The following EIF5B variants were observed in gnomAD, a reference collection of about 807,000 sequenced individuals.
The protein encoded by EIF5B is eIF-5B.
In EIF5B, 47 loss-of-function variants were observed where a neutral mutation model predicts 147.5. The observed-to-expected ratio is 0.32, with a 90% CI of 0.25 to 0.41. EIF5B has a LOEUF of 0.41. Among genes scored for constraint, EIF5B ranks in the 10% least tolerant of loss-of-function variants. The pLI is 1.00. For missense variants in EIF5B, 1,064 were observed against 1,413.2 expected (o/e 0.75, Z 3.96); for synonymous variants, 455 against 456.2 (o/e 1.00, Z 0.03).
At chr2:99,338,270 T>C in intron 1 of EIF5B, 1 of 1,272,138 alleles carries the variant, frequency 7.9e-7, no homozygotes, top group Non-Finnish European at 1.0e-6. Context: ...TCTAACCACC[T>C]GCAATGCTTT....
intron 14 of EIF5B, among the ~76,000 whole-genome samples, chr2:99,384,124 G>A (rs1405519140): frequency 1.4e-5 from 2 of 141,906 alleles, no homozygotes; most frequent in South Asian, 2.2e-4. Flanking sequence ...GTGAACCCGG[G>A]AGGCGGAGCT....
chr2:99,396,664 T>G, intron 21 of EIF5B, 96 bp from the exon 22 acceptor site: 2 of 1,451,744 alleles, frequency 1.4e-6, no homozygotes, highest in Non-Finnish European at 1.8e-6. Flanking sequence ...AAAGCTGCTT[T>G]CCTCTAATGG....
intron 6 of EIF5B, 74 bp from the exon 7 acceptor site, chr2:99,368,419 C>A: frequency 2.8e-6 from 3 of 1,075,440 alleles, no homozygotes; most frequent in Non-Finnish European, 4.2e-6. Flanking sequence ...GAATGAAATG[C>A]TATCCTTTAA....
At chr2:99,378,857 A>C (rs1674616360) in intron 10 of EIF5B, among the ~76,000 whole-genome samples, 162 bp from the exon 11 acceptor site, 1 of 152,234 alleles carries the variant, frequency 6.6e-6, no homozygotes, top group African/African-American at 2.4e-5. Context: ...TGGGAATTCG[A>C]TTGTAAAGTT....
At chr2:99,389,607 ACACT>A in intron 14 of EIF5B, 107 bp from the exon 15 acceptor site, 6 of 963,346 alleles carry the variant, frequency 6.2e-6, no homozygotes, top group South Asian at 2.7e-5. Context: ...TGAGTAAGTC[ACACT>A]GTTCTGTATA....
chr2:99,391,360 T>C (rs998866149), intron 17 of EIF5B, among the ~76,000 whole-genome samples: 2 of 152,150 alleles, frequency 1.3e-5, no homozygotes, highest in African/African-American at 4.8e-5. Flanking sequence ...ACATATGCAG[T>C]TCAAGCCCAT....
chr2:99,381,252 T>C (rs922185953), intron 12 of EIF5B, among the ~76,000 whole-genome samples: 2 of 152,210 alleles, frequency 1.3e-5, no homozygotes, highest in Non-Finnish European at 2.9e-5. Context: ...ACTTGAACTC[T>C]CGTTGTTATT....
At position 99,395,779 on chromosome 2, in the gene EIF5B, G is replaced by A. The variant is rs567303619; in HGVS notation, c.3254+896G>A. ...AAGGCATCTCACCTCTTCAGACAGA[G>A]TAAGCCACACAGGCACATGGGGAGT... On this transcript the variant is annotated intron_variant, in intron 21 of 23. Coordinates refer to ENST00000289371, the MANE Select transcript of EIF5B (RefSeq NM_015904.4). 4.0e-4 allele frequency among the ~76,000 whole-genome samples: 61 copies of A among 152,298 alleles called. 2 individuals are homozygous for A. In the South Asian group the frequency reaches 0.01, roughly 25 times the overall value.
chr2:99,378,480 T>C (rs538736113), intron 10 of EIF5B, among the ~76,000 whole-genome samples: 6 of 152,206 alleles, frequency 3.9e-5, no homozygotes, highest in Non-Finnish European at 7.4e-5. Context: ...GGACATGTTT[T>C]ACTTATTTAA....
In EIF5B at chr2:99,362,555, C is replaced by T. The variant is rs560408274; in HGVS notation, c.919+735C>T. 6.4e-3 allele frequency among the ~76,000 whole-genome samples: 965 copies of T among 151,800 alleles called. 10 individuals are homozygous for T. Among genetic ancestry groups the T allele is most frequent in the Middle Eastern group, 6.8e-3 (2 of 292 alleles). ...CTCTACTAAAAATACAATAATTAGC[C>T]GGGCATGGTGGCGGGCGCCTGTAGT... On this transcript the variant is annotated intron_variant, in intron 4 of 23. Coordinates refer to ENST00000289371, the MANE Select transcript of EIF5B (RefSeq NM_015904.4).
chr2:99,361,861 T>A, intron 4 of EIF5B, 41 bp downstream of exon 4: 7 of 1,483,880 alleles, frequency 4.7e-6, no homozygotes, highest in Non-Finnish European at 6.2e-6. Context: ...AGGCTTTTGA[T>A]TCACAGTATA....
At chr2:99,375,016 C>T (rs1050277112) in intron 9 of EIF5B, among the ~76,000 whole-genome samples, 1 of 151,992 alleles carries the variant, frequency 6.6e-6, no homozygotes, top group Non-Finnish European at 1.5e-5. Context: ...TTTGAGTTCT[C>T]AATTTCATTT....
chr2:99,350,395 T>A (rs1207026459), intron 1 of EIF5B, among the ~76,000 whole-genome samples: 1 of 121,286 alleles, frequency 8.2e-6, no homozygotes, highest in Non-Finnish European at 1.8e-5. Context: ...TAATTTACAT[T>A]TCCCCCCACA....
rs150659886 is a variant in EIF5B, at chr2:99,351,819, T to C, written c.36-8417T>C. 3.0e-3 allele frequency among the ~76,000 whole-genome samples: 458 copies of C among 152,248 alleles called. 3 individuals are homozygous for C. The highest frequency in any genetic ancestry group is 0.01 in the African/African-American group (431 of 41,548). ...TTCAAGCAATTCTCTTGCCTCAGCC[T>C]CCTGAGTACCTAGGATTACAGGCAC... On this transcript the variant is annotated intron_variant, in intron 1 of 23. Transcript: ENST00000289371.
intron 14 of EIF5B, among the ~76,000 whole-genome samples, chr2:99,385,911 A>C (rs1394418395): frequency 6.6e-6 from 1 of 152,196 alleles, no homozygotes; most frequent in African/African-American, 2.4e-5. Context: ...GCTAGTATTG[A>C]TCTTTCTGTG....
intron 1 of EIF5B, among the ~76,000 whole-genome samples, chr2:99,355,699 G>A (rs750211316): frequency 3.6e-5 from 5 of 139,704 alleles, no homozygotes; most frequent in Non-Finnish European, 6.0e-5. Flanking sequence ...TGCAACCTCC[G>A]TCTCCCAGGT....
At chr2:99,377,712 T>TA (rs772285275) in intron 10 of EIF5B, among the ~76,000 whole-genome samples, 2 of 152,272 alleles carry the variant, frequency 1.3e-5, no homozygotes, top group Non-Finnish European at 2.9e-5. Context: ...TTCATGTTTT[T>TA]AAAAATAAAG....
At chr2:99,399,219 TAC>T in intron 23 of EIF5B, 86 bp from the exon 24 acceptor site, 3 of 1,253,574 alleles carry the variant, frequency 2.4e-6, no homozygotes, top group East Asian at 2.4e-5. Flanking sequence ...AGCTTTTTAG[TAC>T]AGTGAGAGCG....
rs1674718346 is a variant in EIF5B, at chr2:99,382,858, G to A, written c.2208G>A (p.Gln736=). Residue 736 remains glutamine, a synonymous_variant, in exon 14 of 24, where the codon CAG becomes CAA. Coordinates refer to ENST00000289371, the MANE Select transcript of EIF5B (RefSeq NM_015904.4). The part of the protein sequence containing the change: ...VVDIMHGLEP[Q]TIESINLLKS... ...ATATTATGCATGGTTTGGAGCCCCA[G>A]ACAATTGAGTCTATCAACCTTCTCA... The A allele has an allele frequency of 1.2e-6, 2 of 1,612,510 alleles. No individual in the cohort carries two copies. Among genetic ancestry groups the A allele is most frequent in the Non-Finnish European group, 1.7e-6 (2 of 1,179,322 alleles).
Sources: allele counts gnomAD v4.1 joint callset (sites outside exome capture counted in the v4.1 genomes callset), GRCh38; gene constraint gnomAD v4.1.1; transcripts MANE v1.5; gene names NCBI Gene and HGNC (gene_info 2026-07-23, HGNC 2026-07-21).